Variants in TBC1D4 observed in about 807,000 individuals in gnomAD.
The protein encoded by TBC1D4 is TBC (Tre-2, BUB2, CDC16) domain-containing protein.
Under a neutral mutation model 142.5 loss-of-function variants are expected in TBC1D4, and 121 were observed. The observed-to-expected ratio is 0.85, with a 90% CI of 0.73 to 0.99. The LOEUF is 0.99. TBC1D4 is among the 50% of genes least tolerant of loss of function. The pLI is 0.00. For missense variants in TBC1D4, 1,475 were observed against 1,606.6 expected (o/e 0.92, Z 1.40); for synonymous variants, 630 against 628.2 (o/e 1.00, Z -0.04).
At chr13:75,425,294 C>T (rs951382576) in intron 1 of TBC1D4, among the ~76,000 whole-genome samples, 8 of 152,044 alleles carry the variant, frequency 5.3e-5, no homozygotes, top group African/African-American at 1.9e-4. Context: ...ACGCCTCACA[C>T]CTGTTGGAAT....
intron 1 of TBC1D4, among the ~76,000 whole-genome samples, chr13:75,367,558 A>T (rs1168220118): frequency 6.6e-6 from 1 of 152,052 alleles, no homozygotes; most frequent in Non-Finnish European, 1.5e-5. Context: ...AACATTAGGG[A>T]ACAAGTAAAC....
At chr13:75,314,958 C>T (rs893557452) in intron 12 of TBC1D4, among the ~76,000 whole-genome samples, 1 of 151,626 alleles carries the variant, frequency 6.6e-6, no homozygotes, top group Admixed American at 6.6e-5. Context: ...TCAGCCTGGG[C>T]AACAGAGCGA....
chr13:75,359,748 A>G (rs1361154197), intron 3 of TBC1D4, 21 bp downstream of exon 3: 2 of 1,557,988 alleles, frequency 1.3e-6, no homozygotes, highest in African/African-American at 1.4e-5. Flanking sequence ...TTCACATACT[A>G]TGATATACTT....
chr13:75,292,017 C>A, intron 19 of TBC1D4, 85 bp downstream of exon 19: 2 of 1,183,980 alleles, frequency 1.7e-6, no homozygotes, highest in South Asian at 1.5e-5. Context: ...ATCTGTCAAG[C>A]AAAGCTACAT....
chr13:75,328,866 G>A (rs990869337), intron 8 of TBC1D4, among the ~76,000 whole-genome samples: 1 of 152,124 alleles, frequency 6.6e-6, no homozygotes, highest in African/African-American at 2.4e-5. Flanking sequence ...TCAGCACAAA[G>A]TTTCAAAAGT....
At chr13:75,376,138 A>G (rs542493881) in intron 1 of TBC1D4, 57 of 152,340 alleles carry the variant, frequency 3.7e-4, no homozygotes, top group Non-Finnish European at 5.9e-5. Context: ...AGCTGCAGAG[A>G]TATGTCCTTA....
chr13:75,443,691 T>C (rs1887149026), intron 1 of TBC1D4, among the ~76,000 whole-genome samples: 1 of 152,208 alleles, frequency 6.6e-6, no homozygotes, highest in Admixed American at 6.5e-5. Context: ...TTCGCTTTCC[T>C]TCACCTTAAA....
intron 11 of TBC1D4, among the ~76,000 whole-genome samples, chr13:75,323,225 T>C (rs1878932040): frequency 6.6e-6 from 1 of 152,142 alleles, no homozygotes; most frequent in Non-Finnish European, 1.5e-5. Context: ...CTCTCCTGAC[T>C]ACAAGAAGTG....
chr13:75,474,697 T>TA (rs71127546), intron 1 of TBC1D4, among the ~76,000 whole-genome samples: 116,037 of 151,002 alleles, frequency 0.77, 46,708 homozygotes, highest in East Asian at 0.97. Context: ...AGTGCAGTGG[T>TA]ACGATCCAGG....
intron 1 of TBC1D4, among the ~76,000 whole-genome samples, chr13:75,465,974 G>C (rs977128723): frequency 6.6e-6 from 1 of 152,100 alleles, no homozygotes; most frequent in African/African-American, 2.4e-5. Context: ...TGTTTTTCCA[G>C]ACTGAACCAA....
intron 1 of TBC1D4, among the ~76,000 whole-genome samples, chr13:75,474,437 T>C (rs557468087): frequency 4.6e-5 from 7 of 152,198 alleles, no homozygotes; most frequent in African/African-American, 1.2e-4. Flanking sequence ...CGGGTGCCTG[T>C]AGTCCCAGCT....
intron 3 of TBC1D4, among the ~76,000 whole-genome samples, chr13:75,359,371 T>C (rs17071190): frequency 1.3e-5 from 2 of 152,204 alleles, no homozygotes; most frequent in South Asian, 4.1e-4. Flanking sequence ...GTTCTCCTTT[T>C]ACTACCTACT....
intron 15 of TBC1D4, among the ~76,000 whole-genome samples, chr13:75,303,673 C>A (rs1876832689): frequency 6.6e-6 from 1 of 152,182 alleles, no homozygotes; most frequent in Non-Finnish European, 1.5e-5. Flanking sequence ...GACTGATTGC[C>A]AGAGTTTGTA....
intron 2 of TBC1D4, among the ~76,000 whole-genome samples, chr13:75,361,534 C>T (rs865945905): frequency 7.9e-5 from 12 of 152,194 alleles, no homozygotes; most frequent in African/African-American, 1.9e-4. Context: ...CACGCCCCCA[C>T]CACATCCGGC....
rs1276775075 is a variant in TBC1D4 at position 75,481,759 on chromosome 13, C to A, written c.9G>T (p.Pro3=). 6.3e-7 allele frequency: 1 copy of A among 1,583,240 alleles called. No homozygotes were observed. The highest frequency in any genetic ancestry group is 1.2e-5 in the South Asian group (1 of 86,932). Residue 3 remains proline (P), a synonymous_variant, in exon 1 of 21, where the codon CCG becomes CCT. Coordinates refer to ENST00000377636, the MANE Select transcript of TBC1D4 (RefSeq NM_014832.5). ME[P]PSCIQDEPFP... ...ACGGCTCATCCTGAATGCAGCTGGG[C>A]GGCTCCATAACTCTCGCCTCACCAG...
At chr13:75,365,968 GA>G (rs1177846228) in intron 1 of TBC1D4, among the ~76,000 whole-genome samples, 1 of 152,158 alleles carries the variant, frequency 6.6e-6, no homozygotes, top group Non-Finnish European at 1.5e-5. Context: ...CCCAAAAATA[GA>G]AAGCAGTGGC....
intron 12 of TBC1D4, among the ~76,000 whole-genome samples, chr13:75,319,268 A>G (rs1480065277): frequency 6.6e-6 from 1 of 152,212 alleles, no homozygotes; most frequent in African/African-American, 2.4e-5. Flanking sequence ...TCTAGCTACA[A>G]AGAAATCTAA....
chr13:75,386,445 G>C (rs1037415348), intron 1 of TBC1D4, among the ~76,000 whole-genome samples: 25 of 148,574 alleles, frequency 1.7e-4, no homozygotes, highest in Non-Finnish European at 3.7e-4. Flanking sequence ...CTGGAGTGCA[G>C]TGGTGTGATC....
intron 11 of TBC1D4, among the ~76,000 whole-genome samples, chr13:75,323,806 CATT>C (rs536910739): frequency 1.1e-4 from 17 of 152,032 alleles, no homozygotes; most frequent in Non-Finnish European, 1.5e-5. Context: ...AAAATAAAGA[CATT>C]ATTGTATCTA....
Sources: gnomAD v4.1 joint callset for allele counts (sites outside exome capture counted in the v4.1 genomes callset) on GRCh38, gnomAD v4.1.1 for gene constraint, MANE v1.5 for transcripts, NCBI Gene and HGNC (gene_info 2026-07-23, HGNC 2026-07-21) for gene names.